Variants in RGS6 observed in about 807,000 individuals in gnomAD.
RGS6 encodes regulator of G-protein signaling 6.
In RGS6, 30 loss-of-function variants were observed where a neutral mutation model predicts 78.5. That is an observed-to-expected ratio of 0.38 (90% CI 0.29 to 0.52). The LOEUF is 0.52. Among genes scored for constraint, RGS6 ranks in the 20% least tolerant of loss-of-function variants. The pLI, the probability that RGS6 is intolerant of heterozygous loss-of-function variation, is 0.85. For missense variants in RGS6, 495 were observed against 609.7 expected, an observed-to-expected ratio of 0.81 and a Z score of 1.98; for synonymous variants, 206 against 206.0, an observed-to-expected ratio of 1.00 and a Z score of 0.00.
At position 72,228,508 on chromosome 14, in the gene RGS6, A is replaced by G. The variant is rs549732015; in HGVS notation, c.85-123587A>G. On this transcript the variant is annotated intron_variant, in intron 2 of 17. Coordinates refer to ENST00000553525, the MANE Select transcript of RGS6 (RefSeq NM_001204424.2). ...AATCAAGGAATGCCATTAGATTTGT[A>G]TTTGAGAAAGATAATTCTGGTGGTT... Among the ~76,000 whole-genome samples, 14 of 152,334 alleles carry G rather than the reference A, an allele frequency of 9.2e-5. No homozygotes were observed. In the South Asian group the frequency reaches 2.5e-3, roughly 27 times the overall value.
chr14:72,105,994 A>G (rs561119712), intron 2 of RGS6, among the ~76,000 whole-genome samples: 8 of 152,266 alleles, frequency 5.3e-5, no homozygotes, highest in South Asian at 2.1e-4. Context: ...GGACATTCCA[A>G]CTGTTCTTTT....
chr14:72,406,296 A>T (rs956008660), intron 3 of RGS6, among the ~76,000 whole-genome samples: 1 of 152,104 alleles, frequency 6.6e-6, no homozygotes, highest in Non-Finnish European at 1.5e-5. Flanking sequence ...AGGCAGGAGA[A>T]TTGCTTGAAC....
At chr14:72,515,960 C>G (rs1351508666) in intron 14 of RGS6, 1 of 152,322 alleles carries the variant, frequency 6.6e-6, no homozygotes, top group African/African-American at 2.4e-5. Flanking sequence ...TTGCAGGGGC[C>G]CAGGGGGCGT....
intron 2 of RGS6, among the ~76,000 whole-genome samples, chr14:72,134,965 C>T (rs993303202): frequency 6.6e-6 from 1 of 152,240 alleles, no homozygotes; most frequent in African/African-American, 2.4e-5. Context: ...TCTACCAATT[C>T]AAATGCCAGT....
intron 2 of RGS6, among the ~76,000 whole-genome samples, chr14:72,190,704 G>A (rs2097312481): frequency 6.6e-6 from 1 of 152,242 alleles, no homozygotes; most frequent in African/African-American, 2.4e-5. Flanking sequence ...GAGATACAAT[G>A]CAAGGGCTGA....
chr14:71,907,510 G>A, the RGS6 span, among the ~76,000 whole-genome samples: 2 of 152,294 alleles, frequency 1.3e-5, no homozygotes, highest in South Asian at 2.1e-4. Flanking sequence ...TGGAGAGGCA[G>A]GGCTGGAGAG....
chr14:72,096,600 G>A (rs1295067499), intron 2 of RGS6, among the ~76,000 whole-genome samples: 2 of 152,128 alleles, frequency 1.3e-5, no homozygotes, highest in African/African-American at 4.8e-5. Flanking sequence ...AGCTCAGCCG[G>A]GTGGTTCTCA....
chr14:72,388,999 G>A (rs1344844310), intron 3 of RGS6, among the ~76,000 whole-genome samples: 1 of 152,066 alleles, frequency 6.6e-6, no homozygotes, highest in Non-Finnish European at 1.5e-5. Flanking sequence ...ATGCCTCATT[G>A]GTGTTTTATT....
rs146180216 is a variant in RGS6, at chr14:72,304,561, C to A, written c.85-47534C>A. Among the ~76,000 whole-genome samples, 270 of 152,266 alleles carry A rather than the reference C, an allele frequency of 1.8e-3. 1 individual carries two copies. Among genetic ancestry groups the A allele is most frequent in the African/African-American group, 6.2e-3 (256 of 41,550 alleles). ...AAATTATTACAAGTAAAGTATGGGT[C>A]AAATGCTATGCACATTAAATTTTAA... On this transcript the variant is annotated intron_variant, in intron 2 of 17. Coordinates refer to ENST00000553525, the MANE Select transcript of RGS6 (RefSeq NM_001204424.2).
At chr14:71,877,045 G>A in the RGS6 span, among the ~76,000 whole-genome samples, 1,204 of 152,292 alleles carry the variant, frequency 7.9e-3, 22 homozygotes, top group African/African-American at 0.027. Flanking sequence ...CAAGAGGTCC[G>A]CTGTTAGTCT....
intron 2 of RGS6, among the ~76,000 whole-genome samples, chr14:72,321,106 G>T (rs531619105): frequency 6.6e-6 from 1 of 151,768 alleles, no homozygotes; most frequent in African/African-American, 2.4e-5. Flanking sequence ...AGAAGGAAGA[G>T]AAAATAAAGA....
intron 17 of RGS6, chr14:72,541,597 C>A: frequency 6.5e-7 from 1 of 1,535,692 alleles, no homozygotes; most frequent in South Asian, 1.2e-5. Flanking sequence ...GGACTTCCTT[C>A]ACTCCATGAT....
At chr14:72,471,521 A>G (rs1316001090) in intron 8 of RGS6, among the ~76,000 whole-genome samples, 3 of 152,230 alleles carry the variant, frequency 2.0e-5, no homozygotes, top group African/African-American at 7.2e-5. Flanking sequence ...CTTCAGAGCA[A>G]CATTCCTGGG....
intron 3 of RGS6, among the ~76,000 whole-genome samples, chr14:72,388,885 T>C (rs1204342216): frequency 1.3e-5 from 2 of 152,206 alleles, no homozygotes; most frequent in East Asian, 1.9e-4. Flanking sequence ...AATGAGTTAG[T>C]ATGTGAAAAC....
intron 5 of RGS6, among the ~76,000 whole-genome samples, chr14:72,458,622 A>C (rs999850669): frequency 2.6e-5 from 4 of 152,188 alleles, no homozygotes; most frequent in African/African-American, 9.7e-5. Flanking sequence ...CTGCTACAAC[A>C]AAATACCTAA....
chr14:72,540,407 G>A (rs530802760), intron 17 of RGS6: 200 of 1,465,508 alleles, frequency 1.4e-4, no homozygotes, highest in Non-Finnish European at 1.6e-4. Flanking sequence ...GGGGCTGTGC[G>A]GTTTGTGCAT....
At chr14:72,497,457 C>T (rs575103360) in intron 13 of RGS6, among the ~76,000 whole-genome samples, 2 of 152,228 alleles carry the variant, frequency 1.3e-5, no homozygotes, top group African/African-American at 4.8e-5. Flanking sequence ...TTCTGAATCT[C>T]ATTCTTTGTT....
intron 3 of RGS6, among the ~76,000 whole-genome samples, chr14:72,364,519 G>A (rs1237600381): frequency 6.6e-6 from 1 of 152,140 alleles, no homozygotes; most frequent in African/African-American, 2.4e-5. Flanking sequence ...CAAACCAGCA[G>A]ATACCAGCAG....
At chr14:72,047,271 T>C (rs1168771090) in intron 2 of RGS6, among the ~76,000 whole-genome samples, 1 of 152,220 alleles carries the variant, frequency 6.6e-6, no homozygotes, top group Non-Finnish European at 1.5e-5. Flanking sequence ...AACAATGTTG[T>C]TTCTGGAAAG....
Sources: allele counts gnomAD v4.1 joint callset (sites outside exome capture counted in the v4.1 genomes callset), GRCh38; gene constraint gnomAD v4.1.1; transcripts MANE v1.5; gene names NCBI Gene and HGNC (gene_info 2026-07-23, HGNC 2026-07-21).